CDH18: variants seen among roughly 807,000 people sequenced by gnomAD.
The protein encoded by CDH18 is cadherin-18.
Under a neutral mutation model 67.9 loss-of-function variants are expected in CDH18, and 31 were observed. That is an observed-to-expected ratio of 0.46 (90% CI 0.34 to 0.62). The LOEUF (loss-of-function observed/expected upper bound fraction) is 0.62. CDH18 is among the 20% of genes least tolerant of loss of function. The pLI is 0.01. For missense variants in CDH18, 890 were observed against 975.5 expected, an observed-to-expected ratio of 0.91 and a Z score of 1.17; for synonymous variants, 362 against 347.2, an observed-to-expected ratio of 1.04 and a Z score of -0.48.
intron 1 of CDH18, among the ~76,000 whole-genome samples, chr5:20,295,868 TTTTC>T (rs1747456294): frequency 1.0e-5 from 1 of 99,510 alleles, no homozygotes; most frequent in Non-Finnish European, 2.0e-5. Context: ...TCTTTCTTTT[TTTTC>T]TTTTTTTTTT....
At chr5:19,543,053 T>C (rs940484513) in intron 9 of CDH18, among the ~76,000 whole-genome samples, 2 of 152,170 alleles carry the variant, frequency 1.3e-5, no homozygotes, top group African/African-American at 2.4e-5. Flanking sequence ...ATGGTTTTTT[T>C]CATGAATACA....
intron 2 of CDH18, among the ~76,000 whole-genome samples, chr5:20,159,464 T>G (rs1751809271): frequency 6.6e-6 from 1 of 152,160 alleles, no homozygotes; most frequent in African/African-American, 2.4e-5. Flanking sequence ...ACATACTTAC[T>G]CCAACTGAAA....
rs1256714471 is a variant in CDH18 at position 19,867,056 on chromosome 5, T to C, written c.-256-27814A>G. On this transcript the variant is annotated intron_variant, in intron 2 of 12. Coordinates refer to ENST00000382275, the MANE Select transcript of CDH18 (RefSeq NM_004934.5). ...GTGAGCTGAGATTGCGCCACTGCAC[T>C]CCAGCCTGGGCAACAGAGCAAGACT... Among the ~76,000 whole-genome samples the C allele has an allele frequency of 2.6e-5, 4 of 152,186 alleles. No individual in the cohort carries two copies. In the East Asian group the frequency reaches 7.7e-4, roughly 29 times the overall value.
intron 3 of CDH18, among the ~76,000 whole-genome samples, chr5:19,805,100 C>T (rs1182264483): frequency 6.6e-6 from 1 of 151,984 alleles, no homozygotes; most frequent in African/African-American, 2.4e-5. Context: ...GCGTACACCA[C>T]CACACCTGGC....
Position 20,131,884 on chromosome 5 carries a change from G to T in CDH18, c.-518+123560C>A, listed in dbSNP as rs143344020. ...GCTTTACAATAAAGTGTTTTTTTTT[G>T]TTGTTGTTGTTGTTGTTTTTGAAAT... On this transcript the variant is annotated intron_variant, in intron 2 of 14. Coordinates refer to the CDH18 transcript ENST00000507958. 5.3e-3 allele frequency among the ~76,000 whole-genome samples: 794 copies of T among 149,814 alleles called. 3 individuals carry two copies. The highest frequency in any genetic ancestry group is 0.014 in the East Asian group (72 of 5,110).
chr5:20,215,363 G>A (rs961552147), intron 2 of CDH18, among the ~76,000 whole-genome samples: 2 of 151,036 alleles, frequency 1.3e-5, no homozygotes, highest in Non-Finnish European at 1.5e-5. Context: ...TAAACAAATG[G>A]GTACAAAGAA....
At chr5:20,405,948 G>T (rs1471574515) in intron 1 of CDH18, among the ~76,000 whole-genome samples, 1 of 152,168 alleles carries the variant, frequency 6.6e-6, no homozygotes, top group Non-Finnish European at 1.5e-5. Flanking sequence ...TGCTGGAGAG[G>T]ATGTGAAGAA....
At chr5:20,120,503 T>G (rs867906456) in intron 2 of CDH18, among the ~76,000 whole-genome samples, 2 of 152,186 alleles carry the variant, frequency 1.3e-5, no homozygotes, top group Non-Finnish European at 2.9e-5. Flanking sequence ...ATAAAGCCAC[T>G]GTATATTCAG....
chr5:19,736,535 T>A (rs903489529), intron 4 of CDH18, among the ~76,000 whole-genome samples: 24 of 152,328 alleles, frequency 1.6e-4, no homozygotes, highest in African/African-American at 5.1e-4. Context: ...AATAGATGTT[T>A]AATATAATTT....
chr5:19,747,571 G>C (rs1416300613), intron 3 of CDH18, among the ~76,000 whole-genome samples: 2 of 151,818 alleles, frequency 1.3e-5, no homozygotes, highest in Non-Finnish European at 2.9e-5. Flanking sequence ...ATTCCCAGTA[G>C]ATTATTGTTG....
chr5:19,660,632 A>G (rs182519598), intron 5 of CDH18, among the ~76,000 whole-genome samples: 35 of 152,184 alleles, frequency 2.3e-4, no homozygotes, highest in Non-Finnish European at 5.0e-4. Flanking sequence ...TTCTTTTCTG[A>G]CTTCCTCAAA....
intron 1 of CDH18, among the ~76,000 whole-genome samples, chr5:20,469,648 C>G (rs1285218589): frequency 6.6e-6 from 1 of 152,048 alleles, no homozygotes; most frequent in African/African-American, 2.4e-5. Context: ...TTCTATAATT[C>G]TCTTATCACT....
chr5:20,172,493 T>C (rs116269397), intron 2 of CDH18, among the ~76,000 whole-genome samples: 2 of 151,730 alleles, frequency 1.3e-5, no homozygotes, highest in African/African-American at 2.4e-5. Flanking sequence ...CTGGGATCCA[T>C]TTAGTTTAAA....
intron 2 of CDH18, among the ~76,000 whole-genome samples, chr5:20,229,582 T>TA (rs1464508801): frequency 6.6e-6 from 1 of 152,178 alleles, no homozygotes; most frequent in Non-Finnish European, 1.5e-5. Flanking sequence ...AATTTTTAAT[T>TA]AAAAAAGTAA....
chr5:20,440,258 A>C (rs1408297652), intron 1 of CDH18, among the ~76,000 whole-genome samples: 5 of 151,850 alleles, frequency 3.3e-5, no homozygotes, highest in Non-Finnish European at 7.4e-5. Flanking sequence ...GAAACTTCGG[A>C]GAAAGGCACA....
At chr5:20,307,804 A>G (rs943324986) in intron 1 of CDH18, among the ~76,000 whole-genome samples, 5 of 152,328 alleles carry the variant, frequency 3.3e-5, no homozygotes, top group East Asian at 1.9e-4. Context: ...AAAACTTACA[A>G]AATATTTCTG....
chr5:20,538,901 T>A (rs908287686), intron 1 of CDH18, among the ~76,000 whole-genome samples: 2 of 130,664 alleles, frequency 1.5e-5, no homozygotes, highest in African/African-American at 5.9e-5. Context: ...GCCAACTGTT[T>A]TTTTTTTGTT....
intron 5 of CDH18, among the ~76,000 whole-genome samples, chr5:19,652,415 A>G (rs911059986): frequency 5.3e-5 from 8 of 152,154 alleles, no homozygotes; most frequent in Non-Finnish European, 7.4e-5. Context: ...AAAAACAGAC[A>G]TTTGCCAGGC....
chr5:19,520,779 C>T lies in CDH18; in HGVS notation c.1391-1G>A. The T allele has an allele frequency of 6.2e-7, 1 of 1,612,538 alleles. No individual in the cohort carries two copies. On this transcript the variant is annotated splice_acceptor_variant, in intron 9 of 12. Transcript: ENST00000382275. LOFTEE classifies it high-confidence loss of function. ...ACATGGCTCAGCAAATCAGGATTAT[C>T]TGCAAAATACACAGGAATGTATTTA...
Sources: allele counts gnomAD v4.1 joint callset (sites outside exome capture counted in the v4.1 genomes callset), GRCh38; gene constraint gnomAD v4.1.1; transcripts MANE v1.5; gene names NCBI Gene and HGNC (gene_info 2026-07-23, HGNC 2026-07-21).